The following PWWP3A variants were observed in gnomAD, a reference collection of about 807,000 sequenced individuals.
PWWP3A encodes PWWP domain-containing DNA repair factor 3A.
PWWP3A carries 53 observed loss-of-function variants against 79.0 expected under a neutral mutation model. The observed-to-expected ratio is 0.67, with a 90% CI of 0.54 to 0.84. The LOEUF is 0.84. PWWP3A is among the 40% of genes least tolerant of loss of function. PWWP3A has a pLI of 0.00. For synonymous variants in PWWP3A, 443 were observed against 394.4 expected (o/e 1.12, Z -1.46); for missense variants, 973 against 948.0 (o/e 1.03, Z -0.35).
rs774528819 is a variant in PWWP3A, at chr19:1,360,394, A to G, written c.473A>G (p.Gln158Arg). ...CACAGGAGGAGGCCATGTGTGCAAC[A>G]AAGCCTGTCAAGTTCGTTCACTTGT... ...RPHRRRPCVQ[Q>R]SLSSSFTCEK... The change falls in exon 5 of 14, where the codon CAA becomes CGA. Residue 158 changes from glutamine to arginine, a missense_variant. By Grantham distance (43) the Gln-to-Arg change is conservative. Coordinates refer to ENST00000591337, the MANE Select transcript of PWWP3A (RefSeq NM_001369789.1). The surrounding 1 kb of genome is among the most constrained non-coding windows in gnomAD (Gnocchi z 4.4). 2 of 1,614,134 alleles carry G rather than the reference A, an allele frequency of 1.2e-6. No homozygotes were observed. The highest frequency in any genetic ancestry group is 1.7e-6 in the Non-Finnish European group (2 of 1,180,024).
intron 7 of PWWP3A, 59 bp from the exon 8 acceptor site, chr19:1,366,245 AT>A: frequency 1.3e-6 from 2 of 1,568,246 alleles, no homozygotes; most frequent in Non-Finnish European, 8.8e-7. Flanking sequence ...TCACAAAAAA[AT>A]ATTTAAAATC....
Position 1,360,859 on chromosome 19 carries a change from C to A in PWWP3A, c.938C>A (p.Ala313Asp). Residue 313 changes from alanine to aspartate, a missense_variant, in exon 5 of 14, where the codon GCC becomes GAC. Coordinates refer to ENST00000591337, the MANE Select transcript of PWWP3A (RefSeq NM_001369789.1). The surrounding 1 kb of genome is among the most constrained non-coding windows in gnomAD (Gnocchi z 4.4). ...PRLDGSQRPP[A>D]VQLEPMAAGA... ...CTGGATGGCAGCCAAAGGCCGCCTG[C>A]CGTGCAGCTGGAGCCCATGGCAGCA... 2 of 1,546,630 alleles carry A rather than the reference C, an allele frequency of 1.3e-6. No homozygotes were observed. Among genetic ancestry groups the A allele is most frequent in the East Asian group, 2.4e-5 (1 of 41,280 alleles).
intron 8 of PWWP3A, 89 bp downstream of exon 8, chr19:1,366,470 C>T (rs1307025579): frequency 4.1e-6 from 5 of 1,232,578 alleles, no homozygotes; most frequent in Non-Finnish European, 6.0e-6. Context: ...GATGGAGGGA[C>T]AGAGGGGAGG....
At chr19:1,357,150 C>T in intron 3 of PWWP3A, 56 bp downstream of exon 3, 1 of 1,324,486 alleles carries the variant, frequency 7.6e-7, no homozygotes, top group Non-Finnish European at 1.1e-6. Flanking sequence ...TCTGATACTT[C>T]AATCCCCTAC....
At position 1,377,913 on chromosome 19, in the gene PWWP3A, A is replaced by C. The variant is rs2082434110; in HGVS notation, c.*1337A>C. ...AGATGCAGGGCGCTGTGCGGGACGA[A>C]GCCGCAAGGACTCTCGTATCGGGCC... On this transcript the variant is annotated 3_prime_UTR_variant, in exon 14 of 14. Coordinates refer to ENST00000591337, the MANE Select transcript of PWWP3A (RefSeq NM_001369789.1). 6.6e-6 allele frequency: 1 copy of C among 152,172 alleles called. No individual in the cohort carries two copies. Among genetic ancestry groups the C allele is most frequent in the Admixed American group, 6.5e-5 (1 of 15,288 alleles). The allele number at this position is 152,172 out of a possible 1,614,324, so 9.4% of individuals were successfully genotyped here. A position where few individuals can be genotyped will look rare whatever the true frequency, so the allele number is the denominator to read the frequency against.
intron 13 of PWWP3A, among the ~76,000 whole-genome samples, chr19:1,375,783 TACACAC>T (rs56832786): frequency 1.5e-5 from 2 of 132,070 alleles, no homozygotes. Context: ...TATGTAGACA[TACACAC>T]ACACACATAT....
Position 1,360,389 on chromosome 19 carries a change from G to A in PWWP3A, c.468G>A (p.Val156=), listed in dbSNP as rs766552100. The A allele has an allele frequency of 1.2e-5, 20 of 1,613,980 alleles. No homozygotes were observed. Among genetic ancestry groups the A allele is most frequent in the Non-Finnish European group, 1.7e-5 (20 of 1,180,048 alleles). The change falls in exon 5 of 14, where the codon GTG becomes GTA. Residue 156 remains valine, a synonymous_variant. Coordinates refer to ENST00000591337, the MANE Select transcript of PWWP3A (RefSeq NM_001369789.1). This position sits in a 1 kb window ranked among gnomAD's most constrained non-coding sequence, Gnocchi z 4.4. ...GACCTCACAGGAGGAGGCCATGTGT[G>A]CAACAAAGCCTGTCAAGTTCGTTCA... ...SSRPHRRRPC[V]QQSLSSSFTC... is the part of the protein sequence containing the mutation.
At chr19:1,375,593 TTATA>T (rs1434414325) in intron 13 of PWWP3A, among the ~76,000 whole-genome samples, 1 of 134,348 alleles carries the variant, frequency 7.4e-6, no homozygotes, top group African/African-American at 2.8e-5. Context: ...ATGTATAATT[TTATA>T]TATTATAATA....
chr19:1,375,643 TATATA>T (rs1182601012), intron 13 of PWWP3A, among the ~76,000 whole-genome samples: 1 of 38,678 alleles, frequency 2.6e-5, no homozygotes, highest in Non-Finnish European at 5.3e-5. Context: ...TATTATATAA[TATATA>T]ATTGTATATA....
At position 1,360,061 on chromosome 19, in the gene PWWP3A, C is replaced by T; in HGVS notation, c.215-75C>T. 4.2e-6 allele frequency: 6 copies of T among 1,426,610 alleles called. No homozygotes were observed. The South Asian group carries it at 8.9e-5, about 21-fold the overall frequency. The allele number at this position is 1,426,610 out of a possible 1,614,324, so 88.4% of individuals were successfully genotyped here. A position where few individuals can be genotyped will look rare whatever the true frequency, so the allele number is the denominator to read the frequency against. On this transcript the variant is annotated intron_variant, in intron 4 of 13. Coordinates refer to ENST00000591337, the MANE Select transcript of PWWP3A (RefSeq NM_001369789.1). The surrounding 1 kb of genome is among the most constrained non-coding windows in gnomAD (Gnocchi z 4.4). ...TAGCCGTCAGAATGAGACAAGCGAGCTTCTAAAGCGATGCCGTGACCGCAG... is the reference window on the plus strand; with the variant it reads ...TAGCCGTCAGAATGAGACAAGCGAGTTTCTAAAGCGATGCCGTGACCGCAG...
chr19:1,366,399 G>A lies in PWWP3A; in HGVS notation c.1361+18G>A, dbSNP rs765128273. 1.2e-6 allele frequency: 2 copies of A among 1,613,220 alleles called. No individual in the cohort carries two copies. Among genetic ancestry groups the A allele is most frequent in the South Asian group, 1.1e-5 (1 of 91,060 alleles). ...ATGAAAGGGTAACCCGCTGTTCTTG[G>A]TTTCTGTGAATGGGCCTGAGGGGCC... On this transcript the variant is annotated intron_variant, in intron 8 of 13. Coordinates refer to ENST00000591337, the MANE Select transcript of PWWP3A (RefSeq NM_001369789.1).
chr19:1,365,848 A>T (rs1051304369), intron 7 of PWWP3A, among the ~76,000 whole-genome samples: 5 of 152,212 alleles, frequency 3.3e-5, no homozygotes, highest in African/African-American at 1.2e-4. Context: ...CTGCCTTCTC[A>T]CGGTGGCCCC....
rs570202353 is a variant in PWWP3A, at chr19:1,360,209, C to T, written c.288C>T (p.Asp96=). ...AYRRSLRVAL[D]VLSEGSIWSQ... is the part of the protein sequence containing the mutation. Reference sequence around the variant, plus strand: ...GACGGTCGCTTCGCGTGGCTCTGGACGTTCTGAGCGAGGGCTCGATTTGGA... The same window carrying T: ...GACGGTCGCTTCGCGTGGCTCTGGATGTTCTGAGCGAGGGCTCGATTTGGA... The change falls in exon 5 of 14, where the codon GAC becomes GAT. Residue 96 remains aspartate, a synonymous_variant. Coordinates refer to ENST00000591337, the MANE Select transcript of PWWP3A (RefSeq NM_001369789.1). This position sits in a 1 kb window ranked among gnomAD's most constrained non-coding sequence, Gnocchi z 4.4. The T allele has an allele frequency of 1.2e-4, 194 of 1,613,132 alleles. 3 individuals carry two copies. In the South Asian group the frequency reaches 1.9e-3, roughly 16 times the overall value.
intron 8 of PWWP3A, among the ~76,000 whole-genome samples, chr19:1,366,720 C>T (rs1025315164): frequency 6.6e-6 from 1 of 152,272 alleles, no homozygotes; most frequent in African/African-American, 2.4e-5. Flanking sequence ...GTGCAGACAG[C>T]ATCCCTGCGT....
chr19:1,369,466 T>C lies in PWWP3A; in HGVS notation c.1498+126T>C. On this transcript the variant is annotated intron_variant, in intron 10 of 13. Coordinates refer to ENST00000591337, the MANE Select transcript of PWWP3A (RefSeq NM_001369789.1). The surrounding 1 kb of genome is among the most constrained non-coding windows in gnomAD (Gnocchi z 4.0). ...ATTTCCGTGGGCCTGGGGCATTCCC[T>C]GTGGGTGGGCTGGGGTTCTGGCCTG... is the stretch of plus-strand genomic sequence containing the variant. The C allele has an allele frequency of 6.7e-7, 1 of 1,484,714 alleles. No individual in the cohort carries two copies. Among genetic ancestry groups the C allele is most frequent in the Non-Finnish European group, 9.4e-7 (1 of 1,065,560 alleles). The allele number at this position is 1,484,714 out of a possible 1,614,324, so 92.0% of individuals were successfully genotyped here.
In PWWP3A at chr19:1,376,865, A is replaced by C; in HGVS notation, c.*289A>C. ...GACGGAAGCGTATTCACTGTGCGCC[A>C]GTACTCCTGGCTGTGCTGTGGTTTC... On this transcript the variant is annotated 3_prime_UTR_variant, in exon 14 of 14. Coordinates refer to ENST00000591337, the MANE Select transcript of PWWP3A (RefSeq NM_001369789.1). 1 of 305,660 alleles carries C rather than the reference A, an allele frequency of 3.3e-6. No homozygotes were observed. The highest frequency in any genetic ancestry group is 6.0e-6 in the Non-Finnish European group (1 of 165,852). The allele number at this position is 305,660 out of a possible 1,614,324, so 18.9% of individuals were successfully genotyped here. A position where few individuals can be genotyped will look rare whatever the true frequency, so the allele number is the denominator to read the frequency against.
At chr19:1,371,294 C>T in intron 12 of PWWP3A, 1 of 720,934 alleles carries the variant, frequency 1.4e-6, no homozygotes, top group South Asian at 1.5e-5. Flanking sequence ...CTTACTTGAC[C>T]CCTGTGCAGA....
intron 13 of PWWP3A, among the ~76,000 whole-genome samples, chr19:1,375,574 A>ATATAT: frequency 7.2e-6 from 1 of 139,476 alleles, no homozygotes; most frequent in African/African-American, 2.7e-5. Context: ...AAAATATATT[A>ATATAT]TATATAAAAT....
rs1418084316 is a variant in PWWP3A, at chr19:1,376,628, G to A, written c.*52G>A. The A allele has an allele frequency of 6.3e-7, 1 of 1,587,412 alleles. No homozygotes were observed. The highest frequency in any genetic ancestry group is 8.6e-7 in the Non-Finnish European group (1 of 1,158,532). ...GGGCCTGGCGGTGGAAGCGCCTCCA[G>A]TGTGCATGAGCGTGTCTGAAGATGG... On this transcript the variant is annotated 3_prime_UTR_variant, in exon 14 of 14. Coordinates refer to ENST00000591337, the MANE Select transcript of PWWP3A (RefSeq NM_001369789.1).
Sources: gnomAD v4.1 joint callset for allele counts (sites outside exome capture counted in the v4.1 genomes callset) on GRCh38, gnomAD v4.1.1 for gene constraint, Gnocchi (gnomAD v3.1) non-coding constraint, MANE v1.5 for transcripts, NCBI Gene and HGNC (gene_info 2026-07-23, HGNC 2026-07-21) for gene names.